DOCK8: variants seen among roughly 807,000 people sequenced by gnomAD.
DOCK8 encodes the protein dedicator of cytokinesis protein 8.
DOCK8 carries 141 observed loss-of-function variants against 245.6 expected under a neutral mutation model. The observed-to-expected ratio is 0.57, with a 90% confidence interval of 0.50 to 0.66. The LOEUF (loss-of-function observed/expected upper bound fraction) is 0.66. Ranked by LOEUF, DOCK8 falls within the 30% of genes least tolerant of loss-of-function variation. The pLI, the probability that DOCK8 is intolerant of heterozygous loss-of-function variation, is 0.00. For synonymous variants in DOCK8, 1,168 were observed against 970.2 expected, an observed-to-expected ratio of 1.20 and a Z score of -3.79; for missense variants, 2,965 against 2,603.4, an observed-to-expected ratio of 1.14 and a Z score of -3.02.
chr9:238,279 T>C (rs1040268408), intron 1 of DOCK8, among the ~76,000 whole-genome samples: 4 of 152,152 alleles, frequency 2.6e-5, no homozygotes, highest in African/African-American at 9.7e-5. Context: ...TTCAACATCA[T>C]AGGACCAAAT....
intron 26 of DOCK8, among the ~76,000 whole-genome samples, 178 bp downstream of exon 26, chr9:399,437 T>C (rs1348691200): frequency 2.0e-5 from 3 of 152,152 alleles, no homozygotes; most frequent in African/African-American, 7.2e-5. Context: ...TCAGACATGC[T>C]GGTTTACCTT....
At chr9:409,944 A>G (rs957981753) in intron 28 of DOCK8, among the ~76,000 whole-genome samples, 1 of 152,116 alleles carries the variant, frequency 6.6e-6, no homozygotes, top group Non-Finnish European at 1.5e-5. Context: ...CCAGTCTACC[A>G]TTGATGGACA....
At chr9:299,164 TCA>T (rs1228828974) in intron 4 of DOCK8, among the ~76,000 whole-genome samples, 1 of 152,180 alleles carries the variant, frequency 6.6e-6, no homozygotes, top group African/African-American at 2.4e-5. Context: ...GGATGTTAGA[TCA>T]CACAGATTTT....
chr9:363,193 A>G (rs190591191), intron 14 of DOCK8, among the ~76,000 whole-genome samples: 95 of 152,352 alleles, frequency 6.2e-4, no homozygotes, highest in African/African-American at 2.2e-3. Flanking sequence ...ACTGAAAAAA[A>G]CCACTTTTGT....
intron 36 of DOCK8, 27 bp from the exon 37 acceptor site, chr9:432,139 T>C: frequency 6.5e-7 from 1 of 1,531,382 alleles, no homozygotes. Context: ...ATTTACTTCA[T>C]CTTTTTTTTT....
chr9:367,835 A>G lies in DOCK8; in HGVS notation c.1680-183A>G, dbSNP rs58000892. Among the ~76,000 whole-genome samples the G allele has an allele frequency of 5.4e-3, 826 of 152,316 alleles. 6 individuals carry two copies. Among genetic ancestry groups the G allele is most frequent in the African/African-American group, 0.019 (799 of 41,564 alleles). ...ACAGAGAGCGATGGGGGTTATTTTC[A>G]GATGACTGTAGCTGAAGAGGAAGAA... On this transcript the variant is annotated intron_variant, in intron 14 of 47. Transcript: ENST00000432829.
intron 34 of DOCK8, 36 bp from the exon 35 acceptor site, chr9:428,326 C>T (rs1417567312): frequency 6.2e-7 from 1 of 1,613,590 alleles, no homozygotes; most frequent in South Asian, 1.1e-5. Flanking sequence ...TGGCACAGTG[C>T]AGGGATTCAA....
chr9:325,336 C>G (rs1435631409), intron 7 of DOCK8, among the ~76,000 whole-genome samples: 3 of 152,154 alleles, frequency 2.0e-5, no homozygotes, highest in Admixed American at 6.5e-5. Flanking sequence ...AGTCTACCCT[C>G]TGAAAACACA....
chr9:369,846 G>C (rs2053202897), intron 15 of DOCK8: 1 of 259,430 alleles, frequency 3.9e-6, no homozygotes, highest in Admixed American at 5.0e-5. Context: ...CTCTTGCCCA[G>C]GCTGGGGTGC....
intron 14 of DOCK8, among the ~76,000 whole-genome samples, chr9:360,196 G>T (rs1385498534): frequency 6.6e-6 from 1 of 151,716 alleles, no homozygotes; most frequent in Admixed American, 6.6e-5. Context: ...TGCTCCTGTA[G>T]TCCCAGCTAC....
At chr9:392,583 G>C (rs1053549723) in intron 24 of DOCK8, among the ~76,000 whole-genome samples, 2 of 152,166 alleles carry the variant, frequency 1.3e-5, no homozygotes, top group African/African-American at 4.8e-5. Flanking sequence ...ATGATCCACT[G>C]GTCTACACCA....
chr9:332,351 A>T, intron 9 of DOCK8, 47 bp from the exon 10 acceptor site: 1 of 1,316,614 alleles, frequency 7.6e-7, no homozygotes, highest in Non-Finnish European at 1.1e-6. Context: ...ATTCCTTTTT[A>T]TGGATGTAAT....
intron 18 of DOCK8, among the ~76,000 whole-genome samples, chr9:375,287 T>A (rs1273447454): frequency 6.6e-6 from 1 of 152,066 alleles, no homozygotes; most frequent in Non-Finnish European, 1.5e-5. Flanking sequence ...CTGCAGGACA[T>A]CTCTAAAGGA....
intron 2 of DOCK8, among the ~76,000 whole-genome samples, chr9:278,342 T>C (rs1438780055): frequency 1.3e-5 from 2 of 152,248 alleles, no homozygotes; most frequent in Non-Finnish European, 2.9e-5. Flanking sequence ...AGAAGAACTT[T>C]ACTGCCTTCA....
At chr9:306,429 A>T (rs1029493200) in intron 5 of DOCK8, among the ~76,000 whole-genome samples, 1 of 152,196 alleles carries the variant, frequency 6.6e-6, no homozygotes, top group Non-Finnish European at 1.5e-5. Flanking sequence ...ATGCTGACCA[A>T]TTAAATTGTT....
intron 46 of DOCK8, among the ~76,000 whole-genome samples, chr9:455,806 TG>T (rs2057620984): frequency 6.6e-6 from 1 of 151,528 alleles, no homozygotes; most frequent in Non-Finnish European, 1.5e-5. Context: ...AAAATTTTAA[TG>T]GCAAAAAAAG....
intron 8 of DOCK8, 113 bp downstream of exon 8, chr9:325,850 G>A (rs569336454): frequency 1.0e-6 from 1 of 975,284 alleles, no homozygotes; most frequent in African/African-American, 1.6e-5. Context: ...GAAAGCAAAT[G>A]ATCTTTGATG....
At chr9:284,168 G>T (rs2048712076) in intron 2 of DOCK8, among the ~76,000 whole-genome samples, 1 of 152,182 alleles carries the variant, frequency 6.6e-6, no homozygotes, top group South Asian at 2.1e-4. Flanking sequence ...TGGCGTGGGA[G>T]AGTCCTCTTT....
At chr9:434,725 A>C in intron 38 of DOCK8, 58 bp from the exon 39 acceptor site, 1 of 1,572,106 alleles carries the variant, frequency 6.4e-7, no homozygotes, top group African/African-American at 1.3e-5. Context: ...ACAAAGTAGA[A>C]GAACAGTGTC....
Sources: gnomAD v4.1 joint callset for allele counts (sites outside exome capture counted in the v4.1 genomes callset) on GRCh38, gnomAD v4.1.1 for gene constraint, MANE v1.5 for transcripts, NCBI Gene and HGNC (gene_info 2026-07-23, HGNC 2026-07-21) for gene names.